FAM178B: variants seen among roughly 807,000 people sequenced by gnomAD.
FAM178B encodes the protein protein FAM178B.
In FAM178B, 82 loss-of-function variants were observed where a neutral mutation model predicts 91.7. The observed-to-expected ratio is 0.89, with a 90% confidence interval of 0.75 to 1.07. The LOEUF (loss-of-function observed/expected upper bound fraction) is 1.07. FAM178B is among the 50% of genes least tolerant of loss of function. The pLI, the probability that FAM178B is intolerant of heterozygous loss-of-function variation, is 0.00. For missense variants in FAM178B, 769 were observed against 846.7 expected, an observed-to-expected ratio of 0.91 and a Z score of 1.14; for synonymous variants, 368 against 359.4, an observed-to-expected ratio of 1.02 and a Z score of -0.27.
chr2:96,902,109 A>ATTTTTTTTTTTT (rs373394292), intron 13 of FAM178B, among the ~76,000 whole-genome samples: 2 of 138,392 alleles, frequency 1.4e-5, no homozygotes, highest in East Asian at 2.1e-4. Flanking sequence ...TTTTACTACA[A>ATTTTTTTTTTTT]TTTTTTTTTT....
chr2:96,965,555 C>T (rs939798201), intron 5 of FAM178B, among the ~76,000 whole-genome samples: 67 of 152,016 alleles, frequency 4.4e-4, no homozygotes, highest in African/African-American at 1.5e-3. Flanking sequence ...CTCAACCTCC[C>T]CGGCTCAAGT....
rs139420691 is a variant in FAM178B at position 96,985,654 on chromosome 2, G to A, written c.73+587C>T. Among the ~76,000 whole-genome samples, 456 of 152,288 alleles carry A rather than the reference G, an allele frequency of 3.0e-3. 2 individuals carry two copies. The Middle Eastern group carries it at 0.037, about 12-fold the overall frequency. On this transcript the variant is annotated intron_variant, in intron 1 of 16. Coordinates refer to ENST00000490605, the MANE Select transcript of FAM178B (RefSeq NM_001122646.3). Reference sequence around the variant, plus strand: ...CAAGATGAATTCAGAATATTACAATGGTGCTGTTTCTGCGAATACTGCTTT... The same window carrying A: ...CAAGATGAATTCAGAATATTACAATAGTGCTGTTTCTGCGAATACTGCTTT...
In FAM178B at chr2:96,917,226, C is replaced by A. The variant is rs549325366; in HGVS notation, c.1562+3939G>T. The stretch of plus-strand genomic sequence containing the variant: ...CAAAAAGGTACTCCTTGGTACCTTA[C>A]GAATTTTGTTTTATTTGAATGCTTT... On this transcript the variant is annotated intron_variant, in intron 12 of 16. Transcript: ENST00000490605. Among the ~76,000 whole-genome samples the A allele has an allele frequency of 2.6e-5, 4 of 152,118 alleles. 1 individual carries two copies. The highest frequency in any genetic ancestry group is 6.5e-5 in the Admixed American group (1 of 15,274).
chr2:96,947,538 A>C (rs2081850336), intron 8 of FAM178B, among the ~76,000 whole-genome samples: 1 of 152,126 alleles, frequency 6.6e-6, no homozygotes, highest in Non-Finnish European at 1.5e-5. Flanking sequence ...GTCTGAACCC[A>C]CTGTCCTGGA....
chr2:96,943,745 C>T (rs2153372756), intron 8 of FAM178B, among the ~76,000 whole-genome samples: 1 of 144,732 alleles, frequency 6.9e-6, no homozygotes, highest in South Asian at 2.1e-4. Flanking sequence ...TCCTCCTCTG[C>T]TCCCTTCAAG....
At chr2:96,950,776 G>GA (rs2153373404) in intron 7 of FAM178B, among the ~76,000 whole-genome samples, 1 of 152,276 alleles carries the variant, frequency 6.6e-6, no homozygotes, top group East Asian at 1.9e-4. Flanking sequence ...AACCAGGAGG[G>GA]AAAAAACAGC....
rs547982862 is a variant in FAM178B at position 96,951,244 on chromosome 2, C to T, written c.993+135G>A. 1.6e-4 allele frequency: 104 copies of T among 665,650 alleles called. No individual in the cohort carries two copies. The African/African-American group carries it at 1.6e-3, about 10-fold the overall frequency. The allele number at this position is 665,650 out of a possible 1,614,324, so 41.2% of individuals were successfully genotyped here. On this transcript the variant is annotated intron_variant, in intron 7 of 16. Coordinates refer to ENST00000490605, the MANE Select transcript of FAM178B (RefSeq NM_001122646.3). ...ATCGATGCCCAATCAGCTCTCCTCC[C>T]TCCTCCCAGCCTGAGCCCAGCCAAG...
chr2:96,962,167 T>C (rs535269023), intron 5 of FAM178B, among the ~76,000 whole-genome samples: 58 of 152,204 alleles, frequency 3.8e-4, no homozygotes, highest in Non-Finnish European at 6.0e-4. Context: ...CTGGGCGTGG[T>C]AGCCGGCACC....
At chr2:96,893,596 A>T (rs57729589) in intron 14 of FAM178B, among the ~76,000 whole-genome samples, 8,400 of 151,946 alleles carry the variant, frequency 0.055, 305 homozygotes, top group Middle Eastern at 0.11. Context: ...CCTGGCATCC[A>T]GCTCCTGCAT....
rs2082208713 is a variant in FAM178B, at chr2:96,970,894, CTAT to C, written c.565-120_565-118del. On this transcript the variant is annotated intron_variant, in intron 3 of 16. Coordinates refer to ENST00000490605, the MANE Select transcript of FAM178B (RefSeq NM_001122646.3). ...TTTTGTTTGCTTTTCTGAAAAGATA[CTAT>C]GTTTACAGGATTAAAAAATCAAAAA... is the stretch of plus-strand genomic sequence containing the variant. The C allele has an allele frequency of 1.8e-5, 14 of 796,236 alleles. No individual in the cohort carries two copies. The South Asian group carries it at 2.1e-4, about 12-fold the overall frequency. 49.3% of individuals were successfully genotyped at this position (796,236 alleles called of 1,614,324 possible). A position where few individuals can be genotyped will look rare whatever the true frequency, so the allele number is the denominator to read the frequency against.
chr2:96,878,131 G>A (rs1382648508), intron 15 of FAM178B, 89 bp from the exon 16 acceptor site: 8 of 1,401,010 alleles, frequency 5.7e-6, no homozygotes, highest in Non-Finnish European at 7.9e-6. Context: ...TTCAGAGAAA[G>A]GAAGGGGCAC....
At chr2:96,889,976 TA>T (rs11457991) in intron 14 of FAM178B, among the ~76,000 whole-genome samples, 4 of 141,394 alleles carry the variant, frequency 2.8e-5, no homozygotes, top group African/African-American at 2.6e-5. Context: ...CCATCTTTAT[TA>T]AAAAAAAAAA....
chr2:96,964,756 A>ACT (rs1373833960), intron 5 of FAM178B, among the ~76,000 whole-genome samples: 7 of 151,924 alleles, frequency 4.6e-5, no homozygotes, highest in Non-Finnish European at 1.0e-4. Flanking sequence ...CCAGGAGCCC[A>ACT]CTCCAGTCAG....
rs1211947842 is a variant in FAM178B, at chr2:96,970,730, T to G, written c.612A>C (p.Leu204Phe). The G allele has an allele frequency of 2.6e-6, 4 of 1,550,680 alleles. No homozygotes were observed. The East Asian group carries it at 9.8e-5, about 38-fold the overall frequency. ...CCTGTGCTCACCTCTTCTCCTGCAG[T>G]AAGTAGTCCAGGTTGTTGAAGTAGC... ...SGSYFNNLDY[L>F]LQEKREQALE... The change falls in exon 4 of 17, where the codon TTA (leucine) becomes TTC (phenylalanine). Residue 204 changes from leucine to phenylalanine, a missense_variant. Coordinates refer to ENST00000490605, the MANE Select transcript of FAM178B (RefSeq NM_001122646.3).
intron 8 of FAM178B, among the ~76,000 whole-genome samples, chr2:96,932,934 C>T (rs1158796487): frequency 8.8e-5 from 9 of 102,310 alleles, no homozygotes; most frequent in Admixed American, 1.2e-4. Context: ...AGTGAGACTC[C>T]GTCTCACAAA....
intron 12 of FAM178B, among the ~76,000 whole-genome samples, chr2:96,907,269 A>G (rs1394312350): frequency 2.6e-5 from 4 of 151,984 alleles, no homozygotes; most frequent in Admixed American, 2.6e-4. Context: ...GCGGGGCGAG[A>G]CCATTTTTTT....
chr2:96,986,197 G>A (rs1387028447), intron 1 of FAM178B, 44 bp downstream of exon 1: 10 of 1,533,328 alleles, frequency 6.5e-6, no homozygotes, highest in Non-Finnish European at 7.9e-6. Flanking sequence ...CTCTCTGAGC[G>A]CTAACCACGC....
intron 16 of FAM178B, among the ~76,000 whole-genome samples, chr2:96,876,710 A>G (rs1205584928): frequency 6.6e-6 from 1 of 151,950 alleles, no homozygotes; most frequent in African/African-American, 2.4e-5. Context: ...GTTATAGGGG[A>G]AGGACAAAAG....
intron 10 of FAM178B, 98 bp downstream of exon 10, chr2:96,923,392 C>T (rs1481544528): frequency 9.6e-6 from 9 of 939,992 alleles, no homozygotes; most frequent in African/African-American, 4.9e-5. Context: ...GTGCTGAGCT[C>T]GCCGGAGATT....
Sources: allele counts gnomAD v4.1 joint callset (sites outside exome capture counted in the v4.1 genomes callset), GRCh38; gene constraint gnomAD v4.1.1; transcripts MANE v1.5; gene names NCBI Gene and HGNC (gene_info 2026-07-23, HGNC 2026-07-21).